Variants in TECPR1 observed in about 807,000 individuals in gnomAD.
TECPR1 encodes tectonin beta-propeller repeat-containing protein 1.
TECPR1 carries 122 observed loss-of-function variants against 162.4 expected under a neutral mutation model. That is an observed-to-expected ratio of 0.75 (90% CI 0.65 to 0.87). The LOEUF is 0.87. TECPR1 is among the 40% of genes least tolerant of loss of function. The pLI, the probability that TECPR1 is intolerant of heterozygous loss-of-function variation, is 0.00. For synonymous variants in TECPR1, 642 were observed against 670.6 expected (o/e 0.96, Z 0.66); for missense variants, 1,432 against 1,618.2 (o/e 0.88, Z 1.97).
chr7:98,236,244 A>T (rs1237705525), intron 10 of TECPR1, among the ~76,000 whole-genome samples: 1 of 152,166 alleles, frequency 6.6e-6, no homozygotes, highest in African/African-American at 2.4e-5. Context: ...CTGGTGAGAA[A>T]TACCAAGTCT....
At chr7:98,223,351 C>T (rs1798191995) in intron 20 of TECPR1, among the ~76,000 whole-genome samples, 181 bp from the exon 21 acceptor site, 1 of 149,848 alleles carries the variant, frequency 6.7e-6, no homozygotes, top group African/African-American at 2.5e-5. Context: ...CCCCCACCCC[C>T]ACCCCCAGCC....
rs541375159 is a variant in TECPR1 at position 98,215,168 on chromosome 7, C to T, written c.*2222G>A. The T allele has an allele frequency of 1.3e-5, 2 of 152,160 alleles. No homozygotes were observed. The highest frequency in any genetic ancestry group is 2.9e-5 in the Non-Finnish European group (2 of 68,050). The allele number at this position is 152,160 out of a possible 1,614,324, so 9.4% of individuals were successfully genotyped here. A position where few individuals can be genotyped will look rare whatever the true frequency, so the allele number is the denominator to read the frequency against. On this transcript the variant is annotated 3_prime_UTR_variant, in exon 26 of 26. Coordinates refer to ENST00000447648, the MANE Select transcript of TECPR1 (RefSeq NM_015395.3). ...TTCCTGGGCTACGCCACGCGCCATC[C>T]CCCGGGGCTGTGGACGCACCCAGCC... is the stretch of plus-strand genomic sequence containing the variant.
intron 10 of TECPR1, among the ~76,000 whole-genome samples, chr7:98,235,742 A>C (rs1269167552): frequency 6.7e-6 from 1 of 148,932 alleles, no homozygotes; most frequent in Non-Finnish European, 1.5e-5. Flanking sequence ...GGGTGGGAGG[A>C]TCACTTGGGC....
intron 17 of TECPR1, 37 bp downstream of exon 17, chr7:98,227,977 C>G (rs368306648): frequency 4.5e-6 from 7 of 1,566,404 alleles, no homozygotes; most frequent in Non-Finnish European, 5.2e-6. Context: ...AAGGCCTATG[C>G]CAGGCAGCAT....
At chr7:98,231,986 A>C (rs771930736) in intron 12 of TECPR1, 27 bp from the exon 13 acceptor site, 1 of 1,579,196 alleles carries the variant, frequency 6.3e-7, no homozygotes, top group Non-Finnish European at 8.6e-7. Context: ...AGTGGACACC[A>C]TCACAGGCAG....
chr7:98,246,348 C>T (rs1265941885), intron 2 of TECPR1, among the ~76,000 whole-genome samples, 183 bp from the exon 3 acceptor site: 2 of 151,592 alleles, frequency 1.3e-5, no homozygotes, highest in Non-Finnish European at 2.9e-5. Context: ...CTCACTGCAA[C>T]CTCCACCTCC....
Position 98,215,017 on chromosome 7 carries a change from G to C in TECPR1, c.*2373C>G, listed in dbSNP as rs976560768. ...GGACAGGGGCCAGGTCCACTCCCTTGGCCCTCCTCTTGGACCCCAAGGCCA... is the reference window on the plus strand; with the variant it reads ...GGACAGGGGCCAGGTCCACTCCCTTCGCCCTCCTCTTGGACCCCAAGGCCA... On this transcript the variant is annotated 3_prime_UTR_variant, in exon 26 of 26. Transcript: ENST00000447648. The C allele has an allele frequency of 1.3e-5, 2 of 152,308 alleles. No homozygotes were observed. The highest frequency in any genetic ancestry group is 4.8e-5 in the African/African-American group (2 of 41,470). The allele number at this position is 152,308 out of a possible 1,614,324, so 9.4% of individuals were successfully genotyped here.
In TECPR1 at chr7:98,233,882, C is replaced by G; in HGVS notation, c.1211G>C (p.Arg404Thr). 1 of 1,547,704 alleles carries G rather than the reference C, an allele frequency of 6.5e-7. No individual in the cohort carries two copies. The highest frequency in any genetic ancestry group is 8.7e-7 in the Non-Finnish European group (1 of 1,144,518). ...GCTGGGGGCAGACTCGCCACTACCCCTCACCTCATCACCGAAGAAGCAGCC... is the reference window on the plus strand; with the variant it reads ...GCTGGGGGCAGACTCGCCACTACCCGTCACCTCATCACCGAAGAAGCAGCC... ...SAGCFFGDEV[R>T]GSGESAPSDT... The change falls in exon 11 of 26, where the codon AGG (arginine) becomes ACG (threonine). Residue 404 changes from arginine (R) to threonine (T), a missense_variant. Arg to Thr is a moderately conservative substitution (Grantham distance 71). Coordinates refer to ENST00000447648, the MANE Select transcript of TECPR1 (RefSeq NM_015395.3).
Position 98,240,947 on chromosome 7 carries a change from A to G in TECPR1, c.837T>C (p.Ser279=). The change falls in exon 8 of 26, where the codon AGT becomes AGC. Residue 279 remains serine (S), a synonymous_variant. Transcript: ENST00000447648. ...EGINRSNPKG[S]SWSIVEPPGS... The stretch of plus-strand genomic sequence containing the variant: ...CAGGAGGCTCCACGATGGACCAGGA[A>G]CTTCCTACCGGGCCCCCAAGAAACC... 2 of 1,605,418 alleles carry G rather than the reference A, an allele frequency of 1.2e-6. No individual in the cohort carries two copies. The highest frequency in any genetic ancestry group is 1.7e-4 in the Middle Eastern group (1 of 6,050).
Position 98,233,864 on chromosome 7 carries a change from G to A in TECPR1, c.1229C>T (p.Ala410Val). The change falls in exon 11 of 26, where the codon GCC (alanine) becomes GTC (valine). Residue 410 changes from alanine to valine, a missense_variant. Coordinates refer to ENST00000447648, the MANE Select transcript of TECPR1 (RefSeq NM_015395.3). ...CGAGGAGGCATCGGTGTCGCTGGGG[G>A]CAGACTCGCCACTACCCCTCACCTC... ...GDEVRGSGES[A>V]PSDTDASSEV... 6.4e-7 allele frequency: 1 copy of A among 1,558,716 alleles called. No individual in the cohort carries two copies.
Position 98,233,747 on chromosome 7 carries a change from C to T in TECPR1, c.1346G>A (p.Gly449Glu). The part of the protein sequence containing the change: ...NATGNSASGL[G>E]AGRTAEDTVE... ...GGTATCTTCTGCGGTCCTGCCAGCC[C>T]CCAGGCCTGAGGCTGAGTTCCCTGT... Residue 449 changes from glycine (G) to glutamate (E), a missense_variant, in exon 11 of 26, where the codon GGG (glycine) becomes GAG (glutamate). Gly to Glu is a moderately conservative substitution (Grantham distance 98). Coordinates refer to ENST00000447648, the MANE Select transcript of TECPR1 (RefSeq NM_015395.3). The T allele has an allele frequency of 6.2e-7, 1 of 1,612,746 alleles. No homozygotes were observed. The highest frequency in any genetic ancestry group is 8.5e-7 in the Non-Finnish European group (1 of 1,179,818).
At chr7:98,227,899 G>A (rs1798319666) in intron 17 of TECPR1, 115 bp downstream of exon 17, 17 of 748,154 alleles carry the variant, frequency 2.3e-5, no homozygotes, top group South Asian at 2.1e-4. Flanking sequence ...TCCTGCTGGC[G>A]GCCTGACACC....
intron 2 of TECPR1, among the ~76,000 whole-genome samples, chr7:98,249,358 G>C (rs182516871): frequency 6.6e-6 from 1 of 152,096 alleles, no homozygotes; most frequent in Non-Finnish European, 1.5e-5. Context: ...GAGGAAGCCC[G>C]GGGAGTAAGA....
At chr7:98,221,595 G>A in intron 23 of TECPR1, 66 bp downstream of exon 23, 1 of 1,455,950 alleles carries the variant, frequency 6.9e-7, no homozygotes. Flanking sequence ...CCAAAGTGCT[G>A]AGATTACAGG....
intron 2 of TECPR1, among the ~76,000 whole-genome samples, chr7:98,247,605 G>A (rs1037803016): frequency 5.3e-5 from 8 of 152,186 alleles, no homozygotes; most frequent in African/African-American, 1.7e-4. Context: ...GAGAGCCAAC[G>A]TGACCATGTG....
intron 4 of TECPR1, 63 bp from the exon 5 acceptor site, chr7:98,244,756 G>T: frequency 6.3e-7 from 1 of 1,583,860 alleles, no homozygotes; most frequent in Non-Finnish European, 8.6e-7. Flanking sequence ...GCTGGGGAAG[G>T]TGGGGAGGGA....
rs1798750694 is a variant in TECPR1 at position 98,241,588 on chromosome 7, A to G, written c.658-344T>C. On this transcript the variant is annotated intron_variant, in intron 6 of 25. Coordinates refer to ENST00000447648, the MANE Select transcript of TECPR1 (RefSeq NM_015395.3). The surrounding 1 kb of genome is among the most constrained non-coding windows in gnomAD (Gnocchi z 5.0). ...ATGTGCTCTCAGGACACCCGGCTCC[A>G]GGGGAGGCTCCAACTCCCATTCATA... Among the ~76,000 whole-genome samples, 1 of 152,174 alleles carries G rather than the reference A, an allele frequency of 6.6e-6. No individual in the cohort carries two copies. The highest frequency in any genetic ancestry group is 1.5e-5 in the Non-Finnish European group (1 of 68,018).
intron 19 of TECPR1, among the ~76,000 whole-genome samples, chr7:98,224,368 C>T (rs937060192): frequency 1.3e-5 from 2 of 152,224 alleles, no homozygotes; most frequent in East Asian, 3.9e-4. Flanking sequence ...CACCTAACAT[C>T]TCGTGTTGGG....
chr7:98,231,548 C>T (rs1463570640), intron 13 of TECPR1, 175 bp from the exon 14 acceptor site: 2 of 661,640 alleles, frequency 3.0e-6, no homozygotes, highest in Non-Finnish European at 4.8e-6. Context: ...CCCAGGCACC[C>T]CCATTTCTGT....
Sources: allele counts gnomAD v4.1 joint callset (sites outside exome capture counted in the v4.1 genomes callset), GRCh38; gene constraint gnomAD v4.1.1; non-coding constraint Gnocchi (gnomAD v3.1); transcripts MANE v1.5; gene names NCBI Gene and HGNC (gene_info 2026-07-23, HGNC 2026-07-21).